Variants in ATXN10 observed in about 807,000 individuals in gnomAD.
ATXN10 encodes ataxin-10.
In ATXN10, 28 loss-of-function variants were observed where a neutral mutation model predicts 52.9. The observed-to-expected ratio is 0.53, with a 90% confidence interval of 0.39 to 0.73. The LOEUF is 0.73. Among genes scored for constraint, ATXN10 ranks in the 30% least tolerant of loss-of-function variants. ATXN10 has a pLI of 0.00. For synonymous variants in ATXN10, 226 were observed against 221.5 expected (o/e 1.02, Z -0.18); for missense variants, 565 against 577.0 (o/e 0.98, Z 0.21).
At chr22:45,672,365 C>T in intron 1 of ATXN10, 186 bp downstream of exon 1, 3 of 552,258 alleles carry the variant, frequency 5.4e-6, no homozygotes, top group Non-Finnish European at 7.4e-6. Flanking sequence ...CTCGTGGGTC[C>T]CCGCGGGGCC....
chr22:45,791,051 G>T (rs935951343), intron 9 of ATXN10, among the ~76,000 whole-genome samples: 2 of 152,098 alleles, frequency 1.3e-5, no homozygotes, highest in South Asian at 2.1e-4. Context: ...TTGAGATGGG[G>T]TCTCTCTATG....
intron 2 of ATXN10, 78 bp from the exon 3 acceptor site, chr22:45,692,918 C>T (rs1923439934): frequency 2.6e-6 from 3 of 1,161,326 alleles, no homozygotes; most frequent in South Asian, 2.5e-5. Context: ...TCAGCTCTCC[C>T]ATTGTAGTGC....
rs1926446245 is a variant in ATXN10, at chr22:45,762,834, G to C, written c.1173+22296G>C. Among the ~76,000 whole-genome samples, 1 of 152,178 alleles carries C rather than the reference G, an allele frequency of 6.6e-6. No homozygotes were observed. Among genetic ancestry groups the C allele is most frequent in the Admixed American group, 6.5e-5 (1 of 15,284 alleles). ...TGTTTTGGCTCCAAATTCCAAGTGA[G>C]AGTAATTGCGTGGCTTCCCTTGGGT... On this transcript the variant is annotated intron_variant, in intron 9 of 11. Transcript: ENST00000252934. This position sits in a 1 kb window ranked among gnomAD's most constrained non-coding sequence, Gnocchi z 4.3.
rs1029239500 is a variant in ATXN10 at position 45,795,445 on chromosome 22, A to G, written c.1174-11514A>G. Reference sequence around the variant, plus strand: ...ATTCTTTTTGAGATGAAGTCTCTCTATGTTGCCCAGGCTGGAGTGCAGTGG... The same window carrying G: ...ATTCTTTTTGAGATGAAGTCTCTCTGTGTTGCCCAGGCTGGAGTGCAGTGG... On this transcript the variant is annotated intron_variant, in intron 9 of 11. Coordinates refer to ENST00000252934, the MANE Select transcript of ATXN10 (RefSeq NM_013236.4). The surrounding 1 kb of genome is among the most constrained non-coding windows in gnomAD (Gnocchi z 4.6). 3.4e-5 allele frequency among the ~76,000 whole-genome samples: 5 copies of G among 147,178 alleles called. No homozygotes were observed. Among genetic ancestry groups the G allele is most frequent in the Admixed American group, 2.1e-4 (3 of 14,592 alleles).
In ATXN10 at chr22:45,807,000, C is replaced by T; in HGVS notation, c.1215C>T (p.Cys405=). The change falls in exon 10 of 12, where the codon TGC becomes TGT. Residue 405 remains cysteine, a synonymous_variant. Transcript: ENST00000252934. ...LDGIPLILDN[C]NISDSNPFLT... is the part of the protein sequence containing the mutation. ...GTATCCCGTTGATCCTGGACAACTG[C>T]AACATCAGTGACAGTAACCCCTGTA... 1 of 1,613,900 alleles carries T rather than the reference C, an allele frequency of 6.2e-7. No individual in the cohort carries two copies. Among genetic ancestry groups the T allele is most frequent in the Non-Finnish European group, 8.5e-7 (1 of 1,179,804 alleles).
rs561606199 is a variant in ATXN10 at position 45,689,597 on chromosome 22, G to A, written c.117-115G>A. ...TGGTGTTGTAAATTAAGGAGCTAAA[G>A]CAGATAAACGTAGCGTACCTCCCCA... On this transcript the variant is annotated intron_variant, in intron 1 of 11. Coordinates refer to ENST00000252934, the MANE Select transcript of ATXN10 (RefSeq NM_013236.4). The A allele has an allele frequency of 6.5e-5, 54 of 831,134 alleles. No individual in the cohort carries two copies. The South Asian group carries it at 6.6e-4, about 10-fold the overall frequency. 51.5% of individuals were successfully genotyped at this position (831,134 alleles called of 1,614,324 possible). A position where few individuals can be genotyped will look rare whatever the true frequency, so the allele number is the denominator to read the frequency against.
At chr22:45,778,593 A>T (rs1927041521) in intron 9 of ATXN10, among the ~76,000 whole-genome samples, 1 of 152,180 alleles carries the variant, frequency 6.6e-6, no homozygotes, top group South Asian at 2.1e-4. Flanking sequence ...TTTTACTGAA[A>T]TAACGAATGA....
chr22:45,762,303 G>A lies in ATXN10; in HGVS notation c.1173+21765G>A, dbSNP rs1455720982. ...GCTTATTTTTCTCTGTCTTTGCATT[G>A]CTTGACAGAGGGCCTGACCCAGGGT... On this transcript the variant is annotated intron_variant, in intron 9 of 11. Coordinates refer to ENST00000252934, the MANE Select transcript of ATXN10 (RefSeq NM_013236.4). This position sits in a 1 kb window ranked among gnomAD's most constrained non-coding sequence, Gnocchi z 4.3. Among the ~76,000 whole-genome samples, 3 of 152,152 alleles carry A rather than the reference G, an allele frequency of 2.0e-5. No homozygotes were observed. Among genetic ancestry groups the A allele is most frequent in the Non-Finnish European group, 4.4e-5 (3 of 68,026 alleles).
chr22:45,693,780 G>T (rs1462983310), intron 3 of ATXN10, among the ~76,000 whole-genome samples: 1 of 152,148 alleles, frequency 6.6e-6, no homozygotes, highest in African/African-American at 2.4e-5. Context: ...ATTAGGACAT[G>T]GCCATGCTCA....
chr22:45,704,144 G>A (rs1923948286), intron 5 of ATXN10: 1 of 137,302 alleles, frequency 7.3e-6, no homozygotes, highest in African/African-American at 2.7e-5. Flanking sequence ...TTTTTTTCCA[G>A]TCCATTTTCT....
Position 45,789,824 on chromosome 22 carries a change from T to C in ATXN10, c.1174-17135T>C, listed in dbSNP as rs1408064294. ...GCTTTGCCAACTACACTCCTTTTTT[T>C]CCTCTTGGACCGCTGGTGAGGAGTG... is the stretch of plus-strand genomic sequence containing the variant. On this transcript the variant is annotated intron_variant, in intron 9 of 11. Transcript: ENST00000252934. This position sits in a 1 kb window ranked among gnomAD's most constrained non-coding sequence, Gnocchi z 4.0. 1.3e-5 allele frequency among the ~76,000 whole-genome samples: 2 copies of C among 152,178 alleles called. No individual in the cohort carries two copies. Among genetic ancestry groups the C allele is most frequent in the Non-Finnish European group, 2.9e-5 (2 of 68,038 alleles).
rs1555896219 is a variant in ATXN10, at chr22:45,795,424, T to TATTCTATTCTATTCTATTCTATTCTATTC, written c.1174-11535_1174-11534insATTCTATTCTATTCTATTCTATTCTATTC. On this transcript the variant is annotated intron_variant, in intron 9 of 11. Transcript: ENST00000252934. The surrounding 1 kb of genome is among the most constrained non-coding windows in gnomAD (Gnocchi z 4.6). Reference sequence around the variant, plus strand: ...TATTCTATTCTATTCTATTCTATTCTTTTTGAGATGAAGTCTCTCTATGTT... The same window carrying TATTCTATTCTATTCTATTCTATTCTATTC: ...TATTCTATTCTATTCTATTCTATTCTATTCTATTCTATTCTATTCTATTCTATTCTTTTGAGATGAAGTCTCTCTATGTT... 6.8e-6 allele frequency among the ~76,000 whole-genome samples: 1 copy of TATTCTATTCTATTCTATTCTATTCTATTC among 147,462 alleles called. No individual in the cohort carries two copies.
At chr22:45,723,989 A>G (rs1399623276) in intron 6 of ATXN10, among the ~76,000 whole-genome samples, 1 of 151,772 alleles carries the variant, frequency 6.6e-6, no homozygotes, top group Non-Finnish European at 1.5e-5. Context: ...GCTCCATCCA[A>G]GTTGCTGCAT....
chr22:45,764,920 T>TTTTC (rs1178838778), intron 9 of ATXN10, among the ~76,000 whole-genome samples: 1 of 152,328 alleles, frequency 6.6e-6, no homozygotes, highest in East Asian at 1.9e-4. Flanking sequence ...ATTCTGAACC[T>TTTTC]TTTCACATCT....
In ATXN10 at chr22:45,825,926, G is replaced by C. The variant is rs1367905421; in HGVS notation, c.1238-17065G>C. Among the ~76,000 whole-genome samples the C allele has an allele frequency of 6.6e-6, 1 of 152,110 alleles. No individual in the cohort carries two copies. ...TCTACAAAAATTAGCCCCAGGCGTG[G>C]TGGTGTGCACCTGTAGTCCCAGCTA... On this transcript the variant is annotated intron_variant, in intron 10 of 11. Transcript: ENST00000252934. This position sits in a 1 kb window ranked among gnomAD's most constrained non-coding sequence, Gnocchi z 4.5.
chr22:45,709,048 T>G (rs1190456324), intron 5 of ATXN10, among the ~76,000 whole-genome samples: 1 of 152,238 alleles, frequency 6.6e-6, no homozygotes, highest in Admixed American at 6.5e-5. Context: ...CTAGTTGATT[T>G]ATTTTGTATT....
chr22:45,720,367 C>T (rs1924603051), intron 6 of ATXN10, among the ~76,000 whole-genome samples: 2 of 151,078 alleles, frequency 1.3e-5, no homozygotes, highest in African/African-American at 4.9e-5. Context: ...TGTGTGTTGC[C>T]CAACCTAGAG....
chr22:45,806,594 G>A (rs1264727022), intron 9 of ATXN10, among the ~76,000 whole-genome samples: 1 of 152,128 alleles, frequency 6.6e-6, no homozygotes, highest in African/African-American at 2.4e-5. Flanking sequence ...TCCCAGCTTA[G>A]AAGAGGAATT....
intron 9 of ATXN10, among the ~76,000 whole-genome samples, chr22:45,796,324 A>G (rs1326359650): frequency 6.6e-6 from 1 of 152,210 alleles, no homozygotes; most frequent in Non-Finnish European, 1.5e-5. Flanking sequence ...ATGTTTATCA[A>G]TGACAGTGTG....
Sources: gnomAD v4.1 joint callset for allele counts (sites outside exome capture counted in the v4.1 genomes callset) on GRCh38, gnomAD v4.1.1 for gene constraint, Gnocchi (gnomAD v3.1) non-coding constraint, MANE v1.5 for transcripts, NCBI Gene and HGNC (gene_info 2026-07-23, HGNC 2026-07-21) for gene names.